Variants in SCN2A observed in about 807,000 individuals in gnomAD.
SCN2A encodes sodium channel protein type 2 subunit alpha.
SCN2A carries 20 observed loss-of-function variants against 188.7 expected under a neutral mutation model. That is an observed-to-expected ratio of 0.11 (90% CI 0.07 to 0.15). The LOEUF (loss-of-function observed/expected upper bound fraction) is 0.15, where lower values mean the gene tolerates loss of function less well. Ranked by LOEUF, SCN2A falls within the 10% of genes least tolerant of loss-of-function variation. The pLI is 1.00. For missense variants in SCN2A, 1,278 were observed against 2,445.0 expected, an observed-to-expected ratio of 0.52 and a Z score of 10.07; for synonymous variants, 804 against 833.1, an observed-to-expected ratio of 0.97 and a Z score of 0.60.
chr2:165,331,910 A>G (rs1027025313), intron 14 of SCN2A, among the ~76,000 whole-genome samples: 1 of 152,132 alleles, frequency 6.6e-6, no homozygotes, highest in African/African-American at 2.4e-5. Context: ...TACTAAACAA[A>G]TGATAAAATA....
At chr2:165,244,515 TATC>T (rs150558010) in intron 1 of SCN2A, among the ~76,000 whole-genome samples, 2,368 of 152,252 alleles carry the variant, frequency 0.016, 50 homozygotes, top group African/African-American at 0.053. Context: ...GAAAAAATCT[TATC>T]ATGTAATATC....
chr2:165,295,736 A>G, intron 1 of SCN2A, 37 bp from the exon 2 acceptor site: 5 of 1,592,688 alleles, frequency 3.1e-6, no homozygotes, highest in Middle Eastern at 3.4e-4. Flanking sequence ...CTTTTATTCT[A>G]ATGGTCATTG....
intron 11 of SCN2A, chr2:165,320,191 A>C (rs185000399): frequency 6.6e-6 from 1 of 152,362 alleles, no homozygotes; most frequent in Admixed American, 6.5e-5. Flanking sequence ...GGGCAGTCAA[A>C]TCTTAAAGCT....
chr2:165,317,859 G>A (rs1365358736), intron 11 of SCN2A, among the ~76,000 whole-genome samples: 1 of 151,878 alleles, frequency 6.6e-6, no homozygotes, highest in Non-Finnish European at 1.5e-5. Flanking sequence ...TAAAGAAATA[G>A]TCAAACAAAT....
rs769487157 is a variant in SCN2A, at chr2:165,331,409, A to G, written c.2229A>G (p.Lys743=). 1.9e-6 allele frequency: 3 copies of G among 1,613,832 alleles called. No homozygotes were observed. Among genetic ancestry groups the G allele is most frequent in the Admixed American group, 3.3e-5 (2 of 59,968 alleles). The change falls in exon 14 of 27, where the codon AAA becomes AAG. Residue 743 remains lysine, a synonymous_variant. Transcript: ENST00000375437. ...ANMCLIWDCC[K]PWLKVKHLVN... is the part of the protein sequence containing the mutation. ...TGTGTTTGATTTGGGACTGTTGTAA[A>G]CCATGGTTAAAGGTGAAACACCTTG...
At chr2:165,248,444 C>T (rs975099943) in intron 1 of SCN2A, among the ~76,000 whole-genome samples, 1 of 152,102 alleles carries the variant, frequency 6.6e-6, no homozygotes, top group African/African-American at 2.4e-5. Context: ...GCCTCAGGCA[C>T]TTGCATGACT....
At chr2:165,309,864 C>CT (rs1464384655) in intron 6 of SCN2A, among the ~76,000 whole-genome samples, 1 of 152,060 alleles carries the variant, frequency 6.6e-6, no homozygotes, top group East Asian at 1.9e-4. Context: ...AGATGTCTTC[C>CT]TTTTTTTAAC....
At chr2:165,333,327 A>G (rs987968185) in intron 14 of SCN2A, among the ~76,000 whole-genome samples, 1 of 152,154 alleles carries the variant, frequency 6.6e-6, no homozygotes, top group South Asian at 2.1e-4. Context: ...ATGGAATAGT[A>G]GAAAATCCAT....
Position 165,339,540 on chromosome 2 carries a change from T to G in SCN2A, c.2389-2756T>G, listed in dbSNP as rs143757013. ...AAACTGATTAGAAATAAACGCGATA[T>G]TAAATATTTTATTTACCATAATATC... On this transcript the variant is annotated intron_variant, in intron 14 of 26. Transcript: ENST00000375437. Among the ~76,000 whole-genome samples, 191 of 152,206 alleles carry G rather than the reference T, an allele frequency of 1.3e-3. 1 individual carries two copies. Among genetic ancestry groups the G allele is most frequent in the South Asian group, 6.2e-3 (30 of 4,820 alleles).
At chr2:165,281,879 G>C (rs111917207) in intron 1 of SCN2A, among the ~76,000 whole-genome samples, 7,765 of 152,174 alleles carry the variant, frequency 0.051, 232 homozygotes, top group Middle Eastern at 0.18. Context: ...TTTGAATTTA[G>C]GTTTTGTAAG....
intron 1 of SCN2A, among the ~76,000 whole-genome samples, chr2:165,292,094 G>A (rs1696242533): frequency 2.0e-5 from 3 of 152,142 alleles, no homozygotes; most frequent in Admixed American, 2.0e-4. Context: ...AAAGGATACA[G>A]CATAACTATG....
intron 17 of SCN2A, among the ~76,000 whole-genome samples, chr2:165,356,769 T>G (rs563585353): frequency 2.0e-5 from 3 of 152,204 alleles, no homozygotes; most frequent in Non-Finnish European, 4.4e-5. Flanking sequence ...GTATTTTGCC[T>G]TAACTTAAGC....
intron 8 of SCN2A, among the ~76,000 whole-genome samples, chr2:165,312,403 A>C (rs1044228085): frequency 2.6e-4 from 39 of 152,256 alleles, no homozygotes; most frequent in Non-Finnish European, 2.8e-4. Flanking sequence ...TATAAGTGTC[A>C]TATTTTATAT....
At chr2:165,313,325 C>T (rs1462665053) in intron 8 of SCN2A, among the ~76,000 whole-genome samples, 1 of 152,094 alleles carries the variant, frequency 6.6e-6, no homozygotes, top group Non-Finnish European at 1.5e-5. Context: ...ACTTTTTTAA[C>T]TGCCCTTAAG....
chr2:165,359,657 A>G (rs888567695), intron 17 of SCN2A, among the ~76,000 whole-genome samples: 12 of 152,114 alleles, frequency 7.9e-5, no homozygotes, highest in Non-Finnish European at 8.8e-5. Context: ...TGCGTAAGCA[A>G]TGGTGGAATG....
chr2:165,244,257 A>G (rs576692899), intron 1 of SCN2A, among the ~76,000 whole-genome samples: 1 of 152,202 alleles, frequency 6.6e-6, no homozygotes, highest in African/African-American at 2.4e-5. Flanking sequence ...TAAATAAATA[A>G]ATAAATAGAA....
At chr2:165,324,244 A>G (rs2105278933) in intron 12 of SCN2A, among the ~76,000 whole-genome samples, 1 of 152,348 alleles carries the variant, frequency 6.6e-6, no homozygotes, top group Admixed American at 6.5e-5. Context: ...TAATGTTGGT[A>G]TTAAATAAAA....
intron 1 of SCN2A, chr2:165,269,943 A>G (rs1282120224): frequency 6.6e-6 from 1 of 151,618 alleles, no homozygotes; most frequent in Non-Finnish European, 1.5e-5. Context: ...TTTCAATCCC[A>G]ATTCTTCTCT....
chr2:165,286,560 C>G (rs754229922), intron 1 of SCN2A, among the ~76,000 whole-genome samples: 2 of 152,278 alleles, frequency 1.3e-5, no homozygotes, highest in African/African-American at 4.8e-5. Flanking sequence ...ACATCAGAAC[C>G]TTTGGAACCT....
Sources: allele counts gnomAD v4.1 joint callset (sites outside exome capture counted in the v4.1 genomes callset), GRCh38; gene constraint gnomAD v4.1.1; transcripts MANE v1.5; gene names NCBI Gene and HGNC (gene_info 2026-07-23, HGNC 2026-07-21).